The following MDM1 variants were observed in gnomAD, a reference collection of about 807,000 sequenced individuals.
MDM1 encodes stabilizer of axonemal microtubules 6, also known as Mdm1 nuclear protein.
Under a neutral mutation model 89.1 loss-of-function variants are expected in MDM1, and 61 were observed. That is an observed-to-expected ratio of 0.68 (90% confidence interval 0.56 to 0.85). The LOEUF is 0.85. Among genes scored for constraint, MDM1 ranks in the 40% least tolerant of loss-of-function variants. MDM1 has a pLI of 0.00. For synonymous variants in MDM1, 290 were observed against 294.1 expected (o/e 0.99, Z 0.14); for missense variants, 820 against 846.5 (o/e 0.97, Z 0.39).
intron 5 of MDM1, 69 bp from the exon 6 acceptor site, chr12:68,321,697 A>C (rs902521144): frequency 1.1e-6 from 1 of 949,388 alleles, no homozygotes; most frequent in African/African-American, 1.6e-5. Context: ...CATGCATGTT[A>C]TAAAGTTAGA....
rs1875617918 is a variant in MDM1, at chr12:68,324,088, GAACT to G, written c.634-852_634-849del. Among the ~76,000 whole-genome samples, 4 of 152,134 alleles carry G rather than the reference GAACT, an allele frequency of 2.6e-5. 1 individual carries two copies. The highest frequency in any genetic ancestry group is 5.9e-5 in the Non-Finnish European group (4 of 67,960). ...ATAGACTCTGAATTCAATATGCTTTGAACTAACCATGAGCATTTCCTTCTAAAAA... is the reference window on the plus strand; with the variant it reads ...ATAGACTCTGAATTCAATATGCTTTGAACCATGAGCATTTCCTTCTAAAAA... On this transcript the variant is annotated intron_variant, in intron 4 of 14. Transcript: ENST00000682720.
rs567193523 is a variant in MDM1, at chr12:68,311,707, G to A, written c.1749+1736C>T. Among the ~76,000 whole-genome samples, 8 of 152,254 alleles carry A rather than the reference G, an allele frequency of 5.3e-5. No individual in the cohort carries two copies. In the South Asian group the frequency reaches 1.5e-3, roughly 28 times the overall value. On this transcript the variant is annotated intron_variant, in intron 12 of 14. Transcript: ENST00000682720. ...CTTGTCAACATACAAACATGCTGTT[G>A]TGTCTTCCATCTTGTTCTCACTTCT...
intron 10 of MDM1, among the ~76,000 whole-genome samples, chr12:68,314,059 C>T (rs1874103838): frequency 6.6e-6 from 1 of 150,984 alleles, no homozygotes; most frequent in African/African-American, 2.4e-5. Flanking sequence ...ATGGCGTGAA[C>T]CCAGAAGGCG....
intron 12 of MDM1, among the ~76,000 whole-genome samples, chr12:68,304,262 TTAAA>T (rs1872591761): frequency 6.6e-6 from 1 of 151,262 alleles, no homozygotes; most frequent in African/African-American, 2.4e-5. Flanking sequence ...AAAAAAAAAA[TTAAA>T]TTAAATTAAA....
At position 68,316,167 on chromosome 12, in the gene MDM1, T is replaced by C; in HGVS notation, c.1122A>G (p.Leu374=). 1 of 1,614,164 alleles carries C rather than the reference T, an allele frequency of 6.2e-7. No homozygotes were observed. Among genetic ancestry groups the C allele is most frequent in the African/African-American group, 1.3e-5 (1 of 75,068 alleles). ...HFSRDHLNQI[L]SDSNCCWDVS... is the part of the protein sequence containing the mutation. ...CATCCCAACAGCAGTTGCTATCAGA[T>C]AAAATCTGATTCAGATGGTCCCGAG... is the stretch of plus-strand genomic sequence containing the variant. The change falls in exon 9 of 15, where the codon TTA becomes TTG. Residue 374 remains leucine, a synonymous_variant. Transcript: ENST00000682720.
chr12:68,306,495 A>G (rs1325157798), intron 12 of MDM1, among the ~76,000 whole-genome samples: 1 of 152,168 alleles, frequency 6.6e-6, no homozygotes, highest in Non-Finnish European at 1.5e-5. Flanking sequence ...TGCAAACTAC[A>G]TATCTGACAA....
At chr12:68,327,240 A>G (rs1342448821) in intron 2 of MDM1, 5 of 1,407,300 alleles carry the variant, frequency 3.6e-6, no homozygotes, top group Middle Eastern at 1.9e-4. Flanking sequence ...AAATTTGACC[A>G]TAACAAAAAA....
At chr12:68,297,642 G>A (rs1399482154) in intron 13 of MDM1, among the ~76,000 whole-genome samples, 11 of 152,128 alleles carry the variant, frequency 7.2e-5, no homozygotes, top group African/African-American at 2.2e-4. Flanking sequence ...CAGCTGGGTA[G>A]TTCCCTCTTT....
Position 68,326,808 on chromosome 12 carries a change from G to A in MDM1, c.347C>T (p.Pro116Leu). 1 of 1,613,906 alleles carries A rather than the reference G, an allele frequency of 6.2e-7. No individual in the cohort carries two copies. The highest frequency in any genetic ancestry group is 1.1e-5 in the South Asian group (1 of 91,064). The stretch of plus-strand genomic sequence containing the variant: ...TGCAGAGTGAGATCTGGTTCTTTTG[G>A]GAACCCTGGAAGCTTCTAGTGAGTG... ...RVHSLEASRV[P>L]KRTRSHSADS... Residue 116 changes from proline to leucine, a missense_variant, in exon 3 of 15, where the codon CCC becomes CTC. Physicochemically the swap from Pro to Leu is moderately conservative, Grantham distance 98 (BLOSUM62 -3). Coordinates refer to ENST00000682720, the MANE Select transcript of MDM1 (RefSeq NM_001354969.2).
intron 4 of MDM1, among the ~76,000 whole-genome samples, chr12:68,324,004 AC>A (rs1875604551): frequency 1.3e-5 from 2 of 152,168 alleles, no homozygotes; most frequent in Non-Finnish European, 2.9e-5. Context: ...GAAATGAACA[AC>A]CCTTTTAGAG....
At chr12:68,330,266 C>T (rs1876592022) in intron 2 of MDM1, among the ~76,000 whole-genome samples, 2 of 152,124 alleles carry the variant, frequency 1.3e-5, no homozygotes, top group South Asian at 4.1e-4. Context: ...CCAGACCAAA[C>T]TGAGGGTCAG....
Position 68,316,064 on chromosome 12 carries a change from A to G in MDM1, c.1211+14T>C. On this transcript the variant is annotated intron_variant, in intron 9 of 14. Transcript: ENST00000682720. ...TCAACAAACTTTTTTTGCCATCCAC[A>G]AAGAATATCTCACCCAGCAAGATCT... 1.3e-6 allele frequency: 2 copies of G among 1,579,546 alleles called. No homozygotes were observed. The highest frequency in any genetic ancestry group is 1.7e-6 in the Non-Finnish European group (2 of 1,162,252).
chr12:68,295,330 G>A lies in MDM1; in HGVS notation c.2099C>T (p.Ala700Val). 6.2e-7 allele frequency: 1 copy of A among 1,613,010 alleles called. No individual in the cohort carries two copies. Residue 700 changes from alanine to valine, a missense_variant, in exon 15 of 15, where the codon GCA becomes GTA. Transcript: ENST00000682720. ...TTGAAAAGCCCGGAGACTAGAAGCT[G>A]CAGAGCGAGCAGAAATCTCAGACAA... is the stretch of plus-strand genomic sequence containing the variant. The part of the protein sequence containing the change: ...DRLSEISARS[A>V]ASSLRAFQTL...
At chr12:68,318,784 T>C (rs1201286099) in intron 7 of MDM1, among the ~76,000 whole-genome samples, 4 of 152,186 alleles carry the variant, frequency 2.6e-5, no homozygotes, top group Non-Finnish European at 1.5e-5. Flanking sequence ...TCATATTATA[T>C]ATTATGATAC....
At chr12:68,307,879 A>C (rs1565770722) in intron 12 of MDM1, among the ~76,000 whole-genome samples, 1 of 150,908 alleles carries the variant, frequency 6.6e-6, no homozygotes, top group Non-Finnish European at 1.5e-5. Context: ...CAGAGGTTGC[A>C]GTGAGCCAAG....
At chr12:68,315,306 T>C (rs770812123) in intron 9 of MDM1, 41 bp from the exon 10 acceptor site, 1 of 1,563,252 alleles carries the variant, frequency 6.4e-7, no homozygotes, top group Non-Finnish European at 8.7e-7. Context: ...GTGAATAGTT[T>C]GCACTTTTCT....
chr12:68,305,535 T>G (rs1056081839), intron 12 of MDM1, among the ~76,000 whole-genome samples: 8 of 152,196 alleles, frequency 5.3e-5, no homozygotes, highest in Non-Finnish European at 1.0e-4. Context: ...CCAAAAGACC[T>G]GATAAATGAC....
At chr12:68,306,414 T>C (rs529963081) in intron 12 of MDM1, among the ~76,000 whole-genome samples, 2 of 151,914 alleles carry the variant, frequency 1.3e-5, no homozygotes, top group Admixed American at 1.3e-4. Context: ...AATTGACAAT[T>C]GGGACTTTTG....
chr12:68,311,660 C>T (rs1372652944), intron 12 of MDM1, among the ~76,000 whole-genome samples: 1 of 152,210 alleles, frequency 6.6e-6, no homozygotes. Flanking sequence ...GCATCATCAA[C>T]TTTTCTCTCT....
Sources: gnomAD v4.1 joint callset for allele counts (sites outside exome capture counted in the v4.1 genomes callset) on GRCh38, gnomAD v4.1.1 for gene constraint, MANE v1.5 for transcripts, NCBI Gene and HGNC (gene_info 2026-07-23, HGNC 2026-07-21) for gene names.